Variants in COPS4 observed in about 807,000 individuals in gnomAD.
COPS4 encodes the protein COP9 signalosome subunit 4, also known as COP9 signalosome complex subunit 4.
COPS4 carries 8 observed loss-of-function variants against 55.1 expected under a neutral mutation model. The observed-to-expected ratio is 0.15, with a 90% CI of 0.09 to 0.26. The LOEUF is 0.26. Ranked by LOEUF, COPS4 falls within the 10% of genes least tolerant of loss-of-function variation. The probability of loss-of-function intolerance (pLI) is 1.00; values close to 1 mark genes in which losing one functional copy is unlikely to be tolerated. For missense variants in COPS4, 248 were observed against 484.0 expected (o/e 0.51, Z 4.58); for synonymous variants, 185 against 165.7 (o/e 1.12, Z -0.90).
chr4:83,049,142 A>T (rs755550583), intron 2 of COPS4, 24 bp from the exon 3 acceptor site: 3 of 1,519,060 alleles, frequency 2.0e-6, no homozygotes. Flanking sequence ...ATGTTTTCTT[A>T]TCTTTTTTTT....
chr4:83,050,081 C>A (rs1463675161), intron 4 of COPS4, 97 bp downstream of exon 4: 20 of 688,734 alleles, frequency 2.9e-5, no homozygotes, highest in Non-Finnish European at 4.3e-5. Context: ...AACAGATAAA[C>A]AAATAAATAC....
chr4:83,048,635 A>T (rs891431686), intron 2 of COPS4, among the ~76,000 whole-genome samples: 4 of 151,840 alleles, frequency 2.6e-5, no homozygotes, highest in Admixed American at 6.6e-5. Context: ...AGATTTTTTA[A>T]TTAATTAATG....
Position 83,075,588 on chromosome 4 carries a change from A to C in COPS4, c.*158A>C. 1 of 712,174 alleles carries C rather than the reference A, an allele frequency of 1.4e-6. No individual in the cohort carries two copies. The highest frequency in any genetic ancestry group is 2.6e-5 in the South Asian group (1 of 38,192). 44.1% of individuals were successfully genotyped at this position (712,174 alleles called of 1,614,324 possible). A position where few individuals can be genotyped will look rare whatever the true frequency, so the allele number is the denominator to read the frequency against. ...CATTATTAGAGCAGGAAGTACAAGC[A>C]TTTAAAATATGTAGTTCCCATATAT... On this transcript the variant is annotated 3_prime_UTR_variant, in exon 10 of 10. Transcript: ENST00000264389.
At chr4:83,045,505 A>T in intron 1 of COPS4, 121 bp from the exon 2 acceptor site, 1 of 654,286 alleles carries the variant, frequency 1.5e-6, no homozygotes, top group Non-Finnish European at 2.5e-6. Context: ...TATAAAGAAA[A>T]CCACAAACTA....
chr4:83,043,052 C>T (rs984641122), intron 1 of COPS4, among the ~76,000 whole-genome samples: 3 of 151,980 alleles, frequency 2.0e-5, no homozygotes, highest in African/African-American at 7.3e-5. Context: ...GACTGGCCCT[C>T]AATTTATTCA....
intron 1 of COPS4, among the ~76,000 whole-genome samples, chr4:83,037,572 A>C (rs750694843): frequency 5.3e-5 from 8 of 152,158 alleles, no homozygotes; most frequent in Admixed American, 1.3e-4. Context: ...GTAGCAGGAT[A>C]TTTATCCTTA....
At chr4:83,046,641 A>G (rs994852711) in intron 2 of COPS4, among the ~76,000 whole-genome samples, 1 of 152,244 alleles carries the variant, frequency 6.6e-6, no homozygotes, top group Admixed American at 6.5e-5. Flanking sequence ...AGCAACATGC[A>G]TATGTCTGTA....
intron 9 of COPS4, 121 bp from the exon 10 acceptor site, chr4:83,075,176 G>A: frequency 1.3e-6 from 1 of 759,144 alleles, no homozygotes; most frequent in Non-Finnish European, 2.1e-6. Flanking sequence ...TGTTTTTTAG[G>A]TATTTAAAAG....
chr4:83,066,368 G>GA (rs1731292614), intron 7 of COPS4, 70 bp from the exon 8 acceptor site: 3 of 741,822 alleles, frequency 4.0e-6, no homozygotes, highest in Non-Finnish European at 6.4e-6. Flanking sequence ...GACATTTTCA[G>GA]AAAAAATGAT....
At chr4:83,041,944 A>G (rs1021325131) in intron 1 of COPS4, among the ~76,000 whole-genome samples, 12 of 151,384 alleles carry the variant, frequency 7.9e-5, no homozygotes, top group Admixed American at 2.6e-4. Flanking sequence ...AGCTCACTGC[A>G]ACCTCTGCCT....
At chr4:83,068,832 T>A (rs2868749) in intron 9 of COPS4, among the ~76,000 whole-genome samples, 151,471 of 152,190 alleles carry the variant, frequency 1, 75,378 homozygotes, top group Middle Eastern at 1. Flanking sequence ...TAGCCAGGTG[T>A]GGTGACAGGC....
At chr4:83,062,950 C>T in intron 6 of COPS4, 126 bp from the exon 7 acceptor site, 2 of 759,638 alleles carry the variant, frequency 2.6e-6, no homozygotes, top group Non-Finnish European at 4.1e-6. Context: ...CCATAATTAC[C>T]ATGAATAATG....
At chr4:83,055,613 T>G (rs780369891) in intron 4 of COPS4, among the ~76,000 whole-genome samples, 2 of 152,040 alleles carry the variant, frequency 1.3e-5, no homozygotes, top group Non-Finnish European at 2.9e-5. Context: ...CTGGCTAATT[T>G]TTTTATTTTA....
At chr4:83,043,491 C>T (rs1475372416) in intron 1 of COPS4, among the ~76,000 whole-genome samples, 1 of 138,192 alleles carries the variant, frequency 7.2e-6, no homozygotes, top group African/African-American at 2.8e-5. Context: ...TGCACTCTAG[C>T]CTGGGCGACA....
intron 1 of COPS4, among the ~76,000 whole-genome samples, chr4:83,038,547 T>G (rs1425870105): frequency 6.6e-6 from 1 of 152,228 alleles, no homozygotes; most frequent in Non-Finnish European, 1.5e-5. Flanking sequence ...GTTATTAAAT[T>G]GAAATACTTA....
chr4:83,051,269 C>T (rs1730882905), intron 4 of COPS4, among the ~76,000 whole-genome samples: 2 of 151,952 alleles, frequency 1.3e-5, no homozygotes, highest in South Asian at 4.2e-4. Flanking sequence ...TTTAAATTAG[C>T]TGGGCCTGGT....
intron 9 of COPS4, among the ~76,000 whole-genome samples, chr4:83,074,132 G>A (rs1190238171): frequency 2.0e-5 from 3 of 152,104 alleles, no homozygotes; most frequent in African/African-American, 7.2e-5. Flanking sequence ...GATTTAAATG[G>A]TATGATATTT....
intron 7 of COPS4, among the ~76,000 whole-genome samples, chr4:83,064,869 CTTTTTTTTTTT>C (rs140166684): frequency 1.6e-3 from 120 of 73,638 alleles, no homozygotes; most frequent in African/African-American, 5.9e-3. Flanking sequence ...TAAGCAGTCC[CTTTTTTTTTTT>C]TTTTTTTTTT....
intron 9 of COPS4, among the ~76,000 whole-genome samples, chr4:83,074,430 G>C (rs1266253913): frequency 6.7e-6 from 1 of 149,828 alleles, no homozygotes; most frequent in Non-Finnish European, 1.5e-5. Context: ...TGTTTAAATA[G>C]CTTAGTTTTA....
Sources: gnomAD v4.1 joint callset for allele counts (sites outside exome capture counted in the v4.1 genomes callset) on GRCh38, gnomAD v4.1.1 for gene constraint, MANE v1.5 for transcripts, NCBI Gene and HGNC (gene_info 2026-07-23, HGNC 2026-07-21) for gene names.